Variants in PCDHA13 observed in about 807,000 individuals in gnomAD.
PCDHA13 encodes protocadherin alpha-13.
Under a neutral mutation model 64.8 loss-of-function variants are expected in PCDHA13, and 54 were observed. That is an observed-to-expected ratio of 0.83 (90% CI 0.67 to 1.04). PCDHA13 has a LOEUF of 1.04. PCDHA13 is among the 50% of genes least tolerant of loss of function. The pLI, the probability that PCDHA13 is intolerant of heterozygous loss-of-function variation, is 0.00. For missense variants in PCDHA13, 1,248 were observed against 1,254.3 expected, an observed-to-expected ratio of 0.99 and a Z score of 0.08; for synonymous variants, 587 against 564.4, an observed-to-expected ratio of 1.04 and a Z score of -0.57.
intron 1 of PCDHA13, among the ~76,000 whole-genome samples, chr5:140,910,576 C>T (rs1305355365): frequency 6.6e-6 from 1 of 152,174 alleles, no homozygotes; most frequent in African/African-American, 2.4e-5. Context: ...TTTTCTGGAT[C>T]CTCCCAGCTG....
intron 3 of PCDHA13, among the ~76,000 whole-genome samples, chr5:140,992,118 G>C (rs1554252679): frequency 1.3e-5 from 2 of 151,650 alleles, no homozygotes; most frequent in Non-Finnish European, 2.9e-5. Flanking sequence ...ATGTGTCATG[G>C]AAGAACAGTG....
chr5:140,927,886 G>C, intron 1 of PCDHA13: 1 of 1,614,210 alleles, frequency 6.2e-7, no homozygotes, highest in Non-Finnish European at 8.5e-7. Flanking sequence ...GGAGGTGACT[G>C]ACGTGAACGA....
At chr5:140,983,885 T>C (rs74936593) in intron 3 of PCDHA13, among the ~76,000 whole-genome samples, 2,965 of 152,290 alleles carry the variant, frequency 0.019, 72 homozygotes, top group African/African-American at 0.056. Flanking sequence ...ACTGGCAACT[T>C]TAAGGGCATT....
Position 140,958,902 on chromosome 5 carries a change from GAA to G in PCDHA13, c.2395-20044_2395-20043del, listed in dbSNP as rs201571519. On this transcript the variant is annotated intron_variant, in intron 1 of 3. Transcript: ENST00000289272. ...GACCAGTAGCTATATAATAGATACA[GAA>G]AAGTCTGCCTGGGTGTGGTGGCTCA... Among the ~76,000 whole-genome samples the G allele has an allele frequency of 8.2e-3, 1,248 of 152,002 alleles. 7 individuals carry two copies. The highest frequency in any genetic ancestry group is 0.021 in the Middle Eastern group (6 of 292).
At chr5:140,991,539 C>T (rs1458315356) in intron 3 of PCDHA13, among the ~76,000 whole-genome samples, 3 of 152,164 alleles carry the variant, frequency 2.0e-5, no homozygotes, top group Admixed American at 6.6e-5. Context: ...CACTATATAA[C>T]AAGGATCCAC....
rs1396431858 is a variant in PCDHA13, at chr5:141,010,083, T to C, written c.*146T>C. The C allele has an allele frequency of 1.9e-6, 3 of 1,612,132 alleles. No homozygotes were observed. The African/African-American group carries it at 4.0e-5, about 22-fold the overall frequency. On this transcript the variant is annotated 3_prime_UTR_variant, in exon 4 of 4. Coordinates refer to ENST00000289272, the MANE Select transcript of PCDHA13 (RefSeq NM_018904.3). Reference sequence around the variant, plus strand: ...CTGCAGAAAGTTCCCTGTGTCTGTCTAGAACGCATTTAACAGGTTTTGTCG... The same window carrying C: ...CTGCAGAAAGTTCCCTGTGTCTGTCCAGAACGCATTTAACAGGTTTTGTCG...
chr5:140,967,387 T>A (rs1158599127), intron 1 of PCDHA13: 4 of 1,609,114 alleles, frequency 2.5e-6, no homozygotes, highest in Non-Finnish European at 3.4e-6. Flanking sequence ...GTAAAGTGCT[T>A]GAGCTGGTGC....
rs782079089 is a variant in PCDHA13, at chr5:141,009,663, C to T, written c.2579C>T (p.Ala860Val). 4 of 1,614,034 alleles carry T rather than the reference C, an allele frequency of 2.5e-6. No individual in the cohort carries two copies. Among genetic ancestry groups the T allele is most frequent in the East Asian group, 2.2e-5 (1 of 44,876 alleles). ...GGAGAAGTGTCCCCTCCAGTCGGTG[C>T]GGGTGTCAACAGCAACAGCTGGACC... Reference protein sequence around the residue: ...EAGEVSPPVGAGVNSNSWTFK... With the variant: ...EAGEVSPPVGVGVNSNSWTFK... Residue 860 changes from alanine to valine, a missense_variant, in exon 4 of 4, where the codon GCG (alanine) becomes GTG (valine). Transcript: ENST00000289272.
chr5:141,002,189 C>T (rs1277871243), intron 3 of PCDHA13, among the ~76,000 whole-genome samples: 4 of 152,220 alleles, frequency 2.6e-5, no homozygotes, highest in African/African-American at 9.6e-5. Flanking sequence ...TGCTGTCTGG[C>T]AAGATAGTCC....
At chr5:140,931,783 T>A (rs2087751344) in intron 1 of PCDHA13, among the ~76,000 whole-genome samples, 1 of 151,996 alleles carries the variant, frequency 6.6e-6, no homozygotes, top group African/African-American at 2.4e-5. Context: ...TTCAATTACC[T>A]ATTGATCTGA....
At chr5:140,901,340 T>G (rs1306421981) in intron 1 of PCDHA13, among the ~76,000 whole-genome samples, 1 of 152,206 alleles carries the variant, frequency 6.6e-6, no homozygotes, top group Non-Finnish European at 1.5e-5. Context: ...CGTTTTATAG[T>G]TTGATGTCTT....
rs182361197 is a variant in PCDHA13, at chr5:140,979,956, T to G, written c.2453+949T>G. 2.0e-5 allele frequency among the ~76,000 whole-genome samples: 3 copies of G among 152,378 alleles called. No homozygotes were observed. In the East Asian group the frequency reaches 5.8e-4, roughly 29 times the overall value. ...GTGTAGAGTTAATGTGAAATTAGTT[T>G]TAGCCCATTAAAATGCATTAGATTG... On this transcript the variant is annotated intron_variant, in intron 2 of 3. Transcript: ENST00000289272.
At chr5:140,893,510 G>A (rs1554185640) in intron 1 of PCDHA13, among the ~76,000 whole-genome samples, 1 of 152,148 alleles carries the variant, frequency 6.6e-6, no homozygotes, top group African/African-American at 2.4e-5. Flanking sequence ...AAAAAAAGCA[G>A]TTGTAGAACT....
chr5:141,000,405 A>C lies in PCDHA13; in HGVS notation c.2543-9222A>C, dbSNP rs1290838400. Among the ~76,000 whole-genome samples the C allele has an allele frequency of 7.9e-5, 7 of 88,832 alleles. No individual in the cohort carries two copies. In the East Asian group the frequency reaches 9.8e-4, roughly 12 times the overall value. The allele number at this position is 88,832 out of a possible 152,430, so 58.3% of individuals were successfully genotyped here. On this transcript the variant is annotated intron_variant, in intron 3 of 3. Transcript: ENST00000289272. ...TCTCTCTCTCTCTCTCTATATATAT[A>C]TATATATATATATATATTTTTTTTT...
chr5:140,884,764 T>C (rs2060348326), intron 1 of PCDHA13, 102 bp downstream of exon 1: 1 of 1,417,012 alleles, frequency 7.1e-7, no homozygotes, highest in Non-Finnish European at 9.3e-7. Flanking sequence ...TATTCTTTAC[T>C]TTAATTTTAA....
intron 1 of PCDHA13, among the ~76,000 whole-genome samples, chr5:140,930,790 A>G (rs155822): frequency 0.047 from 7,177 of 152,302 alleles, 299 homozygotes; most frequent in African/African-American, 0.11. Context: ...ACAATATAAT[A>G]GAATCCAGCA....
chr5:140,941,809 TAG>T (rs1477400878), intron 1 of PCDHA13, among the ~76,000 whole-genome samples: 5 of 152,254 alleles, frequency 3.3e-5, no homozygotes, highest in Non-Finnish European at 5.9e-5. Context: ...TTGATTTCAG[TAG>T]GATGACTGCT....
intron 3 of PCDHA13, among the ~76,000 whole-genome samples, chr5:140,993,781 A>T (rs1587593339): frequency 6.6e-6 from 1 of 152,216 alleles, no homozygotes; most frequent in African/African-American, 2.4e-5. Flanking sequence ...TATTTTGTAC[A>T]GTAACATGCT....
At chr5:140,924,188 T>A (rs2081715328) in intron 1 of PCDHA13, among the ~76,000 whole-genome samples, 1 of 152,146 alleles carries the variant, frequency 6.6e-6, no homozygotes, top group African/African-American at 2.4e-5. Flanking sequence ...AGAAAATTAG[T>A]TTTGGTTTAG....
Sources: gnomAD v4.1 joint callset for allele counts (sites outside exome capture counted in the v4.1 genomes callset) on GRCh38, gnomAD v4.1.1 for gene constraint, MANE v1.5 for transcripts, NCBI Gene and HGNC (gene_info 2026-07-23, HGNC 2026-07-21) for gene names.